TMEM236: variants seen among roughly 807,000 people sequenced by gnomAD.
TMEM236 encodes the protein transmembrane protein 236, also known as family with sequence similarity 23, member A.
TMEM236 carries 11 observed loss-of-function variants against 14.7 expected under a neutral mutation model. That is an observed-to-expected ratio of 0.75 (90% CI 0.47 to 1.24). The LOEUF is 1.24. TMEM236 is among the 50% of genes most tolerant of loss of function. TMEM236 has a pLI of 0.00. For synonymous variants in TMEM236, 182 were observed against 168.6 expected (o/e 1.08, Z -0.62); for missense variants, 464 against 427.3 (o/e 1.09, Z -0.76).
chr10:17,756,632 C>G (rs1435695658), intron 1 of TMEM236, among the ~76,000 whole-genome samples: 1 of 152,120 alleles, frequency 6.6e-6, no homozygotes, highest in African/African-American at 2.4e-5. Context: ...GTTATTATTG[C>G]CTAGAGAAAA....
At chr10:17,777,897 CGTGGCT>C (rs1837685175) in intron 3 of TMEM236, among the ~76,000 whole-genome samples, 64 of 152,194 alleles carry the variant, frequency 4.2e-4, no homozygotes, top group African/African-American at 1.4e-3. Flanking sequence ...TGCCACCATG[CGTGGCT>C]AATTTTTGTA....
rs879036347 is a variant in TMEM236, at chr10:17,768,086, G to GTTTTTTTTTTTTTTTTTTTTTT, written c.258-3222_258-3201dup. ...CCACCACACCTCGCTAATTTTTGTG[G>GTTTTTTTTTTTTTTTTTTTTTT]TTTTTTTTTTTTTTTTTTTTTTGTA... On this transcript the variant is annotated intron_variant, in intron 1 of 3. Coordinates refer to ENST00000377495, the MANE Select transcript of TMEM236 (RefSeq NM_001098844.3). 4.1e-4 allele frequency among the ~76,000 whole-genome samples: 38 copies of GTTTTTTTTTTTTTTTTTTTTTT among 92,010 alleles called. 1 individual carries two copies. Among genetic ancestry groups the GTTTTTTTTTTTTTTTTTTTTTT allele is most frequent in the African/African-American group, 4.8e-4 (11 of 22,732 alleles). 60.4% of individuals were successfully genotyped at this position (92,010 alleles called of 152,430 possible).
chr10:17,789,636 G>A (rs939599063), intron 3 of TMEM236, among the ~76,000 whole-genome samples: 11 of 152,104 alleles, frequency 7.2e-5, no homozygotes, highest in African/African-American at 1.2e-4. Flanking sequence ...ATTCCAGTGC[G>A]TTGGGAGGCT....
At chr10:17,785,750 G>T (rs1236914237) in intron 3 of TMEM236, among the ~76,000 whole-genome samples, 4 of 152,010 alleles carry the variant, frequency 2.6e-5, no homozygotes, top group Non-Finnish European at 5.9e-5. Context: ...CAACCGGGGG[G>T]GGATATTTCC....
chr10:17,785,228 G>A (rs935616652), intron 3 of TMEM236, among the ~76,000 whole-genome samples: 5 of 152,166 alleles, frequency 3.3e-5, no homozygotes, highest in African/African-American at 4.8e-5. Context: ...ACTCTTAGCC[G>A]TGGGTTTCCA....
intron 3 of TMEM236, among the ~76,000 whole-genome samples, chr10:17,793,042 C>T (rs933837742): frequency 4.6e-5 from 7 of 152,274 alleles, no homozygotes; most frequent in African/African-American, 1.7e-4. Flanking sequence ...CAAAGCTTTC[C>T]AGCTAATAGT....
chr10:17,761,572 T>C (rs922946547), intron 1 of TMEM236, among the ~76,000 whole-genome samples: 6 of 151,572 alleles, frequency 4.0e-5, no homozygotes, highest in South Asian at 2.1e-4. Flanking sequence ...CTCATGCCTG[T>C]AGTCCCCGGT....
At chr10:17,794,570 TG>T (rs1837978957) in intron 3 of TMEM236, among the ~76,000 whole-genome samples, 1 of 151,970 alleles carries the variant, frequency 6.6e-6, no homozygotes, top group African/African-American at 2.4e-5. Flanking sequence ...CACACAATGG[TG>T]TTGCATCACG....
chr10:17,772,602 T>A (rs1264690460), intron 2 of TMEM236, among the ~76,000 whole-genome samples: 1 of 152,158 alleles, frequency 6.6e-6, no homozygotes, highest in Non-Finnish European at 1.5e-5. Flanking sequence ...CTTTTTTTCT[T>A]ACTTAATTTT....
chr10:17,773,007 C>G (rs1405527427), intron 2 of TMEM236, among the ~76,000 whole-genome samples: 2 of 152,162 alleles, frequency 1.3e-5, no homozygotes, highest in Non-Finnish European at 2.9e-5. Context: ...ACCTGAAGCT[C>G]ATTCGTTTTC....
intron 1 of TMEM236, among the ~76,000 whole-genome samples, chr10:17,760,441 A>G (rs1036512268): frequency 1.3e-5 from 2 of 152,120 alleles, no homozygotes; most frequent in African/African-American, 2.4e-5. Flanking sequence ...AGTATGTTGA[A>G]TTTGATGTAG....
chr10:17,777,372 A>G (rs1230755984), intron 3 of TMEM236, among the ~76,000 whole-genome samples: 1 of 152,192 alleles, frequency 6.6e-6, no homozygotes, highest in Non-Finnish European at 1.5e-5. Flanking sequence ...AGTCAAGCGT[A>G]TTTGTCTTAA....
intron 3 of TMEM236, among the ~76,000 whole-genome samples, chr10:17,791,730 A>C (rs1258045794): frequency 6.6e-6 from 1 of 152,048 alleles, no homozygotes; most frequent in East Asian, 1.9e-4. Flanking sequence ...ACTCATTCTT[A>C]CTATCTCTGC....
At chr10:17,789,038 G>T (rs1360297733) in intron 3 of TMEM236, among the ~76,000 whole-genome samples, 1 of 152,176 alleles carries the variant, frequency 6.6e-6, no homozygotes, top group Non-Finnish European at 1.5e-5. Context: ...TGTCTGTGGT[G>T]TAAATTCTCC....
chr10:17,764,666 GTAAGGAA>G (rs1234435368), intron 1 of TMEM236, among the ~76,000 whole-genome samples: 1 of 152,086 alleles, frequency 6.6e-6, no homozygotes. Flanking sequence ...AGAGATGTAA[GTAAGGAA>G]GGCTCTGTGC....
At chr10:17,772,694 G>T (rs1279415036) in intron 2 of TMEM236, among the ~76,000 whole-genome samples, 3 of 152,294 alleles carry the variant, frequency 2.0e-5, no homozygotes, top group African/African-American at 7.2e-5. Context: ...GCAACCCCCT[G>T]GGTAAGCATC....
chr10:17,756,281 C>G (rs1837282728), intron 1 of TMEM236, among the ~76,000 whole-genome samples: 1 of 151,842 alleles, frequency 6.6e-6, no homozygotes, highest in Non-Finnish European at 1.5e-5. Flanking sequence ...AGAGAAATAT[C>G]TACTTCACCT....
intron 3 of TMEM236, among the ~76,000 whole-genome samples, chr10:17,780,556 T>C (rs1198171520): frequency 6.6e-6 from 1 of 152,166 alleles, no homozygotes; most frequent in Non-Finnish European, 1.5e-5. Flanking sequence ...AGGGAAGATC[T>C]TGGGTTTGCA....
At chr10:17,782,640 C>T (rs981366324) in intron 3 of TMEM236, among the ~76,000 whole-genome samples, 2 of 151,950 alleles carry the variant, frequency 1.3e-5, no homozygotes, top group Admixed American at 6.6e-5. Flanking sequence ...TTAGTAGAGA[C>T]GGGATTTCAC....
Sources: gnomAD v4.1 joint callset for allele counts (sites outside exome capture counted in the v4.1 genomes callset) on GRCh38, gnomAD v4.1.1 for gene constraint, MANE v1.5 for transcripts, NCBI Gene and HGNC (gene_info 2026-07-23, HGNC 2026-07-21) for gene names.